C2CD2L: variants seen among roughly 807,000 people sequenced by gnomAD.
C2CD2L encodes the protein phospholipid transfer protein C2CD2L.
Under a neutral mutation model 69.9 loss-of-function variants are expected in C2CD2L, and 24 were observed. The ratio of observed to expected loss-of-function variants is 0.34; its 90% CI spans 0.25 to 0.48. C2CD2L has a LOEUF of 0.48. Ranked by LOEUF, C2CD2L falls within the 20% of genes least tolerant of loss-of-function variation. The probability of loss-of-function intolerance (pLI) is 0.99; values close to 1 mark genes in which losing one functional copy is unlikely to be tolerated. For synonymous variants in C2CD2L, 367 were observed against 391.0 expected, an observed-to-expected ratio of 0.94 and a Z score of 0.72; for missense variants, 811 against 941.5, an observed-to-expected ratio of 0.86 and a Z score of 1.81.
rs1015857359 is a variant in C2CD2L at position 119,109,072 on chromosome 11, C to T, written c.354+977C>T. Among the ~76,000 whole-genome samples the T allele has an allele frequency of 3.3e-5, 5 of 152,226 alleles. No individual in the cohort carries two copies. The highest frequency in any genetic ancestry group is 2.0e-4 in the Admixed American group (3 of 15,284). Reference sequence around the variant, plus strand: ...CCAACTCTCCCTGTACCTTGTCCCTCGGTCAGAAGCAACTCCCCAGGATAG... The same window carrying T: ...CCAACTCTCCCTGTACCTTGTCCCTTGGTCAGAAGCAACTCCCCAGGATAG... On this transcript the variant is annotated intron_variant, in intron 1 of 13. Coordinates refer to ENST00000648610, the MANE Select transcript of C2CD2L (RefSeq NM_001290474.2). This position sits in a 1 kb window ranked among gnomAD's most constrained non-coding sequence, Gnocchi z 5.1.
rs757663136 is a variant in C2CD2L, at chr11:119,114,066, G to T, written c.1624-14G>T. 1 of 1,613,738 alleles carries T rather than the reference G, an allele frequency of 6.2e-7. No homozygotes were observed. The highest frequency in any genetic ancestry group is 8.5e-7 in the Non-Finnish European group (1 of 1,179,824). The stretch of plus-strand genomic sequence containing the variant: ...CGGTCACTCCTGCCCATTAAAACCC[G>T]TCCCTCCTGCCAGGTGCCCATTGCT... On this transcript the variant is annotated splice_polypyrimidine_tract_variant and intron_variant, in intron 12 of 13. Transcript: ENST00000648610. The surrounding 1 kb of genome is among the most constrained non-coding windows in gnomAD (Gnocchi z 5.1).
chr11:119,111,661 C>G, intron 7 of C2CD2L, 32 bp downstream of exon 7: 1 of 1,469,294 alleles, frequency 6.8e-7, no homozygotes. Flanking sequence ...ACCCCATGCT[C>G]CAGAGCAGAG....
chr11:119,103,807 G>A (rs189856901), upstream of C2CD2L, among the ~76,000 whole-genome samples: 4 of 152,274 alleles, frequency 2.6e-5, no homozygotes, highest in East Asian at 3.9e-4. Context: ...ATAAATTTTC[G>A]TAATTTACTT....
upstream of C2CD2L, among the ~76,000 whole-genome samples, chr11:119,105,656 A>C (rs1281765883): frequency 6.6e-6 from 1 of 152,034 alleles, no homozygotes; most frequent in Admixed American, 6.6e-5. Flanking sequence ...AGAAAAAAAA[A>C]AAAAAAAAGA....
In C2CD2L at chr11:119,116,397, G is replaced by A. The variant is rs367548244; in HGVS notation, c.*141G>A. 1.5e-6 allele frequency: 1 copy of A among 670,420 alleles called. No homozygotes were observed. Among genetic ancestry groups the A allele is most frequent in the Non-Finnish European group, 2.5e-6 (1 of 392,800 alleles). The allele number at this position is 670,420 out of a possible 1,614,324, so 41.5% of individuals were successfully genotyped here. ...CCCGTCCACCCTGGGCCATGGGGCCGGTTGGAAGGATACTTGGAACGGGAA... is the reference window on the plus strand; with the variant it reads ...CCCGTCCACCCTGGGCCATGGGGCCAGTTGGAAGGATACTTGGAACGGGAA... On this transcript the variant is annotated 3_prime_UTR_variant, in exon 14 of 14. Coordinates refer to ENST00000648610, the MANE Select transcript of C2CD2L (RefSeq NM_001290474.2).
In C2CD2L at chr11:119,108,003, C is replaced by G. The variant is rs1373805052; in HGVS notation, c.262C>G (p.Leu88Val). ...GAAEEPGVRG[L>V]LASLFAFKSF... ...CGCCGAGGAGCCAGGAGTCCGGGGC[C>G]TCCTGGCGTCACTCTTCGCCTTCAA... Residue 88 changes from leucine (L) to valine (V), a missense_variant, in exon 1 of 14, where the codon CTC (leucine) becomes GTC (valine). Coordinates refer to ENST00000648610, the MANE Select transcript of C2CD2L (RefSeq NM_001290474.2). 6.3e-7 allele frequency: 1 copy of G among 1,590,582 alleles called. No homozygotes were observed.
rs549562931 is a variant in C2CD2L at position 119,112,083 on chromosome 11, T to A, written c.1020-245T>A. On this transcript the variant is annotated intron_variant, in intron 7 of 13. Coordinates refer to ENST00000648610, the MANE Select transcript of C2CD2L (RefSeq NM_001290474.2). ...AGAGGGTGGCTTGCAACTGAGAGACTGGCAAGACAGGAAGAGCAGGACCAG... is the reference window on the plus strand; with the variant it reads ...AGAGGGTGGCTTGCAACTGAGAGACAGGCAAGACAGGAAGAGCAGGACCAG... The A allele has an allele frequency of 5.6e-6, 3 of 532,478 alleles. No individual in the cohort carries two copies. In the African/African-American group the frequency reaches 5.8e-5, roughly 10 times the overall value. 33.0% of individuals were successfully genotyped at this position (532,478 alleles called of 1,614,324 possible).
In C2CD2L at chr11:119,114,056, A is replaced by T. The variant is rs780225660; in HGVS notation, c.1624-24A>T. On this transcript the variant is annotated intron_variant, in intron 12 of 13. Transcript: ENST00000648610. This position sits in a 1 kb window ranked among gnomAD's most constrained non-coding sequence, Gnocchi z 5.1. ...CCTAATGGGTCGGTCACTCCTGCCC[A>T]TTAAAACCCGTCCCTCCTGCCAGGT... is the stretch of plus-strand genomic sequence containing the variant. 100 of 1,613,718 alleles carry T rather than the reference A, an allele frequency of 6.2e-5. No individual in the cohort carries two copies. The Admixed American group carries it at 1.7e-3, about 27-fold the overall frequency.
chr11:119,117,820 C>G lies in C2CD2L; in HGVS notation c.*1564C>G, dbSNP rs1458748721. 1 of 152,170 alleles carries G rather than the reference C, an allele frequency of 6.6e-6. No homozygotes were observed. Among genetic ancestry groups the G allele is most frequent in the Non-Finnish European group, 1.5e-5 (1 of 68,032 alleles). 9.4% of individuals were successfully genotyped at this position (152,170 alleles called of 1,614,324 possible). A position where few individuals can be genotyped will look rare whatever the true frequency, so the allele number is the denominator to read the frequency against. Reference sequence around the variant, plus strand: ...GGAAGCAAGAAAACTGAGTCTGCCACAGACAAACCAAGTGATCTTGAGCAG... The same window carrying G: ...GGAAGCAAGAAAACTGAGTCTGCCAGAGACAAACCAAGTGATCTTGAGCAG... On this transcript the variant is annotated 3_prime_UTR_variant, in exon 14 of 14. Coordinates refer to ENST00000648610, the MANE Select transcript of C2CD2L (RefSeq NM_001290474.2).
Position 119,116,101 on chromosome 11 carries a change from GA to G in C2CD2L, c.1968del (p.Ala657LeufsTer3). 1 of 1,614,174 alleles carries G rather than the reference GA, an allele frequency of 6.2e-7. No homozygotes were observed. Among genetic ancestry groups the G allele is most frequent in the Non-Finnish European group, 8.5e-7 (1 of 1,180,038 alleles). On this transcript the variant is annotated frameshift_variant, in exon 14 of 14. Transcript: ENST00000648610. LOFTEE classifies it high-confidence loss of function. ...CTTCCGCCGGAGGCCTAGGCAGAAG[GA>G]AGCTGGCCTGAGCCAATCACACGAT... ...LIFRRRPRQK[E>X]AGLSQSHDDL...
Position 119,112,890 on chromosome 11 carries a change from C to T in C2CD2L, c.1387+16C>T, listed in dbSNP as rs763831580. ...GGCAAATTAGGTAAAGAGAAGGAGC[C>T]TGGGAGCCCAGCTCTAGCCAGGGGC... On this transcript the variant is annotated intron_variant, in intron 10 of 13. Coordinates refer to ENST00000648610, the MANE Select transcript of C2CD2L (RefSeq NM_001290474.2). 6.2e-7 allele frequency: 1 copy of T among 1,611,676 alleles called. No individual in the cohort carries two copies. Among genetic ancestry groups the T allele is most frequent in the South Asian group, 1.1e-5 (1 of 90,930 alleles).
intron 13 of C2CD2L, 162 bp from the exon 14 acceptor site, chr11:119,115,883 G>A: frequency 3.3e-6 from 2 of 608,548 alleles, no homozygotes; most frequent in Non-Finnish European, 5.8e-6. Flanking sequence ...AAGCCTTATG[G>A]AGAAGTATGT....
At position 119,113,918 on chromosome 11, in the gene C2CD2L, A is replaced by G. The variant is rs779024951; in HGVS notation, c.1553A>G (p.Glu518Gly). Residue 518 changes from glutamate (E) to glycine (G), a missense_variant, in exon 12 of 14, where the codon GAG becomes GGG. Glu to Gly is a moderately conservative substitution (Grantham distance 98, BLOSUM62 -2). Coordinates refer to ENST00000648610, the MANE Select transcript of C2CD2L (RefSeq NM_001290474.2). ...GAGACAGCGATTCGCCAGCTGACAG[A>G]GCCCAGTGGGCGGGTGGCCAAGAAG... ...VAETAIRQLT[E>G]PSGRVAKKTP... 1.9e-6 allele frequency: 3 copies of G among 1,614,048 alleles called. No individual in the cohort carries two copies. Among genetic ancestry groups the G allele is most frequent in the African/African-American group, 1.3e-5 (1 of 74,926 alleles).
Position 119,113,708 on chromosome 11 carries a change from C to T in C2CD2L, c.1485C>T (p.Ser495=), listed in dbSNP as rs765172036. The change falls in exon 11 of 14, where the codon AGC becomes AGT. Residue 495 remains serine, a synonymous_variant. Transcript: ENST00000648610. ...GCCCCAGCAATACCTCCCATAGCAG[C>T]AGCCGTGAGTGGGGAATGGGGTGCA... is the stretch of plus-strand genomic sequence containing the variant. ...SSGPSNTSHS[S]SRDSHLSNGL... 17 of 1,613,916 alleles carry T rather than the reference C, an allele frequency of 1.1e-5. No individual in the cohort carries two copies. Among genetic ancestry groups the T allele is most frequent in the Non-Finnish European group, 5.1e-6 (6 of 1,179,950 alleles).
At chr11:119,102,860 CTTTTTTTTTTTTT>C (rs141575057), upstream of C2CD2L, among the ~76,000 whole-genome samples, 7 of 43,414 alleles carry the variant, frequency 1.6e-4, no homozygotes, top group Non-Finnish European at 2.5e-4. Flanking sequence ...AATTCACCAG[CTTTTTTTTTTTTT>C]TTTTTTTTTT....
rs766717291 is a variant in C2CD2L at position 119,118,495 on chromosome 11, T to C, written c.*2239T>C. The C allele has an allele frequency of 1.3e-5, 2 of 152,430 alleles. No individual in the cohort carries two copies. The highest frequency in any genetic ancestry group is 2.9e-5 in the Non-Finnish European group (2 of 68,026). 9.4% of individuals were successfully genotyped at this position (152,430 alleles called of 1,614,324 possible). A position where few individuals can be genotyped will look rare whatever the true frequency, so the allele number is the denominator to read the frequency against. On this transcript the variant is annotated 3_prime_UTR_variant, in exon 14 of 14. Coordinates refer to ENST00000648610, the MANE Select transcript of C2CD2L (RefSeq NM_001290474.2). ...GTTGGGCGATGATAATGATGTCCATTGCTGTGTGACAGCTTGGAATTTAAT... is the reference window on the plus strand; with the variant it reads ...GTTGGGCGATGATAATGATGTCCATCGCTGTGTGACAGCTTGGAATTTAAT...
chr11:119,113,525 C>T, intron 10 of C2CD2L, 86 bp from the exon 11 acceptor site: 2 of 1,503,456 alleles, frequency 1.3e-6, no homozygotes, highest in Non-Finnish European at 1.8e-6. Flanking sequence ...TCTGAGTCAC[C>T]CAAAGTCTGC....
chr11:119,112,107 A>G, intron 7 of C2CD2L: 1 of 557,580 alleles, frequency 1.8e-6, no homozygotes. Context: ...GAGCAGGACC[A>G]GGGAGGATTT....
chr11:119,108,237 A>T (rs923437492), intron 1 of C2CD2L, 142 bp downstream of exon 1: 2 of 566,598 alleles, frequency 3.5e-6, no homozygotes, highest in Non-Finnish European at 6.2e-6. Flanking sequence ...GATCAGAGAA[A>T]AGGGTGCCGC....
Sources: gnomAD v4.1 joint callset for allele counts (sites outside exome capture counted in the v4.1 genomes callset) on GRCh38, gnomAD v4.1.1 for gene constraint, Gnocchi (gnomAD v3.1) non-coding constraint, MANE v1.5 for transcripts, NCBI Gene and HGNC (gene_info 2026-07-23, HGNC 2026-07-21) for gene names.